Variants in FAM117B observed in about 807,000 individuals in gnomAD.
FAM117B encodes protein FAM117B.
A neutral mutation model predicts 52.8 loss-of-function variants in FAM117B; 22 were observed. That is an observed-to-expected ratio of 0.42 (90% CI 0.30 to 0.59). The LOEUF is 0.59. Among genes scored for constraint, FAM117B ranks in the 20% least tolerant of loss-of-function variants. The pLI, the probability that FAM117B is intolerant of heterozygous loss-of-function variation, is 0.22. For missense variants in FAM117B, 678 were observed against 802.6 expected, an observed-to-expected ratio of 0.84 and a Z score of 1.88; for synonymous variants, 309 against 324.1, an observed-to-expected ratio of 0.95 and a Z score of 0.50.
chr2:202,732,724 G>A (rs986822532), intron 4 of FAM117B, among the ~76,000 whole-genome samples: 8 of 152,162 alleles, frequency 5.3e-5, no homozygotes, highest in South Asian at 4.2e-4. Flanking sequence ...GGGAGGCTGC[G>A]GCAGGAGAAT....
At chr2:202,713,779 T>C (rs1229290820) in intron 2 of FAM117B, among the ~76,000 whole-genome samples, 1 of 152,200 alleles carries the variant, frequency 6.6e-6, no homozygotes, top group East Asian at 1.9e-4. Context: ...TGATCTTGGC[T>C]CACTGCAACC....
chr2:202,752,499 A>G (rs567619128), intron 4 of FAM117B, among the ~76,000 whole-genome samples: 2 of 152,056 alleles, frequency 1.3e-5, no homozygotes, highest in East Asian at 3.9e-4. Context: ...TGTATCAGAC[A>G]GCAAGATTAT....
intron 4 of FAM117B, among the ~76,000 whole-genome samples, chr2:202,727,411 A>G (rs1691260830): frequency 1.3e-5 from 2 of 152,186 alleles, no homozygotes; most frequent in South Asian, 2.1e-4. Flanking sequence ...CCACAAAAAT[A>G]TACATTTGAC....
intron 1 of FAM117B, among the ~76,000 whole-genome samples, chr2:202,668,459 T>C (rs1690242203): frequency 7.6e-6 from 1 of 131,326 alleles, no homozygotes; most frequent in African/African-American, 2.9e-5. Flanking sequence ...ACCTGAGAAG[T>C]GGAGGTTGCA....
At chr2:202,706,038 G>C (rs72928949) in intron 2 of FAM117B, among the ~76,000 whole-genome samples, 34,026 of 152,024 alleles carry the variant, frequency 0.22, 4,545 homozygotes, top group Middle Eastern at 0.31. Context: ...TTAGAGACAA[G>C]GTCTCACTGT....
At chr2:202,678,340 T>A (rs1187269258) in intron 1 of FAM117B, among the ~76,000 whole-genome samples, 1 of 151,274 alleles carries the variant, frequency 6.6e-6, no homozygotes, top group Non-Finnish European at 1.5e-5. Context: ...CTGGAGGAGG[T>A]GGTGTTTGAT....
intron 1 of FAM117B, among the ~76,000 whole-genome samples, chr2:202,676,659 T>C: frequency 6.6e-6 from 1 of 152,172 alleles, no homozygotes; most frequent in East Asian, 1.9e-4. Context: ...ATTACAGATG[T>C]GGGCCACCGC....
rs571581548 is a variant in FAM117B at position 202,762,358 on chromosome 2, C to T, written c.1451+3005C>T. Among the ~76,000 whole-genome samples, 38 of 152,246 alleles carry T rather than the reference C, an allele frequency of 2.5e-4. No individual in the cohort carries two copies. The South Asian group carries it at 7.5e-3, about 30-fold the overall frequency. ...ACAAAACCAGATTTTGTACTTCCGT[C>T]TCTATAATCTTTTTGATAACAGCAC... On this transcript the variant is annotated intron_variant, in intron 7 of 7. Coordinates refer to ENST00000392238, the MANE Select transcript of FAM117B (RefSeq NM_173511.4).
intron 1 of FAM117B, among the ~76,000 whole-genome samples, chr2:202,669,947 T>A (rs1690266191): frequency 6.6e-6 from 1 of 152,220 alleles, no homozygotes; most frequent in African/African-American, 2.4e-5. Context: ...CCACAAAAAT[T>A]AAGTACTTTC....
intron 4 of FAM117B, among the ~76,000 whole-genome samples, chr2:202,742,116 T>A (rs182742970): frequency 1.3e-5 from 2 of 152,324 alleles, no homozygotes; most frequent in East Asian, 3.9e-4. Flanking sequence ...CTAATTTAAT[T>A]TATAAATTTA....
rs1358404767 is a variant in FAM117B at position 202,740,173 on chromosome 2, C to CAAAAAAAAAAAAAAAAAAA, written c.960+13810_960+13811insAAAAAAAAAAAAAAAAAAA. On this transcript the variant is annotated intron_variant, in intron 4 of 7. Coordinates refer to ENST00000392238, the MANE Select transcript of FAM117B (RefSeq NM_173511.4). ...GGAGGACAGAGCGAGACTTCATCCC[C>CAAAAAAAAAAAAAAAAAAA]CAAAAAAAAAAAAAAAAAAAAAAAA... Among the ~76,000 whole-genome samples, 3 of 69,672 alleles carry CAAAAAAAAAAAAAAAAAAA rather than the reference C, an allele frequency of 4.3e-5. 1 individual carries two copies. The highest frequency in any genetic ancestry group is 2.6e-5 in the Non-Finnish European group (1 of 38,672). 45.7% of individuals were successfully genotyped at this position (69,672 alleles called of 152,430 possible).
chr2:202,704,941 C>T (rs1690850666), intron 2 of FAM117B, among the ~76,000 whole-genome samples: 1 of 152,006 alleles, frequency 6.6e-6, no homozygotes, highest in South Asian at 2.1e-4. Flanking sequence ...CAGGCCTTTC[C>T]ACCTCCTAGG....
chr2:202,708,031 A>G (rs538249790), intron 2 of FAM117B, among the ~76,000 whole-genome samples: 1 of 152,118 alleles, frequency 6.6e-6, no homozygotes, highest in Non-Finnish European at 1.5e-5. Context: ...TGGCCTCCCA[A>G]AGTGCTGGGA....
intron 1 of FAM117B, among the ~76,000 whole-genome samples, chr2:202,651,618 C>A (rs1382258736): frequency 6.6e-6 from 1 of 152,116 alleles, no homozygotes; most frequent in African/African-American, 2.4e-5. Flanking sequence ...AGGTGTTCCA[C>A]CCGCCTGGGC....
At position 202,663,580 on chromosome 2, in the gene FAM117B, C is replaced by CTT. The variant is rs11368989; in HGVS notation, c.601+27806_601+27807dup. 9.9e-3 allele frequency among the ~76,000 whole-genome samples: 1,366 copies of CTT among 138,634 alleles called. 17 individuals are homozygous for CTT. The highest frequency in any genetic ancestry group is 0.024 in the African/African-American group (908 of 37,330). 90.9% of individuals were successfully genotyped at this position (138,634 alleles called of 152,430 possible). ...CATTCGATATTCAGTCACATTAAGC[C>CTT]TTTTTTTTTTTTTTTCTTTTGAGAC... is the stretch of plus-strand genomic sequence containing the variant. On this transcript the variant is annotated intron_variant, in intron 1 of 7. Coordinates refer to ENST00000392238, the MANE Select transcript of FAM117B (RefSeq NM_173511.4).
chr2:202,720,352 A>G (rs969173377), intron 2 of FAM117B, among the ~76,000 whole-genome samples: 3 of 151,886 alleles, frequency 2.0e-5, no homozygotes, highest in Admixed American at 1.3e-4. Flanking sequence ...AGAATACTAC[A>G]GCTGTGATTC....
intron 5 of FAM117B, among the ~76,000 whole-genome samples, chr2:202,756,368 C>G (rs529104313): frequency 6.8e-6 from 1 of 146,182 alleles, no homozygotes; most frequent in Non-Finnish European, 1.5e-5. Flanking sequence ...GAGCTGAGAT[C>G]GAAAAAAAAA....
intron 4 of FAM117B, among the ~76,000 whole-genome samples, chr2:202,744,150 G>A (rs549442777): frequency 4.9e-4 from 72 of 148,372 alleles, no homozygotes; most frequent in African/African-American, 1.5e-3. Context: ...GAGAATCCCC[G>A]TCTGTCTTAG....
At chr2:202,700,002 C>T (rs1690773372) in intron 2 of FAM117B, among the ~76,000 whole-genome samples, 1 of 152,170 alleles carries the variant, frequency 6.6e-6, no homozygotes, top group Non-Finnish European at 1.5e-5. Flanking sequence ...ATGAACCATG[C>T]CTATATAAGA....
Sources: allele counts gnomAD v4.1 joint callset (sites outside exome capture counted in the v4.1 genomes callset), GRCh38; gene constraint gnomAD v4.1.1; transcripts MANE v1.5; gene names NCBI Gene and HGNC (gene_info 2026-07-23, HGNC 2026-07-21).